LAMA2: variants seen among roughly 807,000 people sequenced by gnomAD.
The protein encoded by LAMA2 is laminin subunit alpha-2.
A neutral mutation model predicts 364.8 loss-of-function variants in LAMA2; 269 were observed. That is an observed-to-expected ratio of 0.74 (90% CI 0.67 to 0.82). The LOEUF is 0.82. Ranked by LOEUF, LAMA2 falls within the 40% of genes least tolerant of loss-of-function variation. The pLI is 0.00. For missense variants in LAMA2, 3,807 were observed against 3,873.2 expected (o/e 0.98, Z 0.45); for synonymous variants, 1,379 against 1,370.6 (o/e 1.01, Z -0.14).
intron 1 of LAMA2, among the ~76,000 whole-genome samples, chr6:128,911,724 G>C (rs1227765196): frequency 1.3e-5 from 2 of 152,070 alleles, no homozygotes; most frequent in Non-Finnish European, 2.9e-5. Flanking sequence ...TGTGACATTT[G>C]ACAAATATAT....
intron 15 of LAMA2, among the ~76,000 whole-genome samples, chr6:129,261,753 T>G (rs569158778): frequency 6.6e-6 from 1 of 152,292 alleles, no homozygotes; most frequent in African/African-American, 2.4e-5. Flanking sequence ...ATACGCATTA[T>G]AGTCATATTC....
Position 129,208,628 on chromosome 6 carries a change from AAAG to A in LAMA2, c.1782+15781_1782+15783del, listed in dbSNP as rs1473974744. Reference sequence around the variant, plus strand: ...GGGAGAAAGAATGGAAGAAAGAAAGAAAGAAGAAAGAAAGAAGGAAGGAAGAGA... The same window carrying A: ...GGGAGAAAGAATGGAAGAAAGAAAGAAAGAAAGAAAGAAGGAAGGAAGAGA... On this transcript the variant is annotated intron_variant, in intron 12 of 64. Coordinates refer to ENST00000421865, the MANE Select transcript of LAMA2 (RefSeq NM_000426.4). Among the ~76,000 whole-genome samples, 6 of 122,408 alleles carry A rather than the reference AAAG, an allele frequency of 4.9e-5. No individual in the cohort carries two copies. In the South Asian group the frequency reaches 7.3e-4, roughly 15 times the overall value. The allele number at this position is 122,408 out of a possible 152,430, so 80.3% of individuals were successfully genotyped here.
chr6:129,513,070 T>G (rs543544501), intron 63 of LAMA2, among the ~76,000 whole-genome samples: 1 of 152,298 alleles, frequency 6.6e-6, no homozygotes, highest in South Asian at 2.1e-4. Flanking sequence ...TTAAGACAAC[T>G]TTGCACTATA....
At chr6:129,306,020 C>T (rs1583457130) in intron 22 of LAMA2, among the ~76,000 whole-genome samples, 1 of 151,966 alleles carries the variant, frequency 6.6e-6, no homozygotes, top group Non-Finnish European at 1.5e-5. Context: ...CAACAGGAAA[C>T]CTCCAGTCCC....
At chr6:129,137,979 G>A (rs901058098) in intron 4 of LAMA2, among the ~76,000 whole-genome samples, 6 of 152,038 alleles carry the variant, frequency 3.9e-5, no homozygotes, top group Admixed American at 6.6e-5. Context: ...GTATTTGTGG[G>A]AGGATGGAAT....
intron 32 of LAMA2, among the ~76,000 whole-genome samples, chr6:129,355,071 A>G (rs1777074797): frequency 6.6e-6 from 1 of 151,600 alleles, no homozygotes; most frequent in African/African-American, 2.4e-5. Context: ...AAGTGTTTAT[A>G]TTCTTTTTAA....
intron 18 of LAMA2, among the ~76,000 whole-genome samples, chr6:129,286,455 T>C (rs918107732): frequency 2.7e-5 from 4 of 146,770 alleles, no homozygotes; most frequent in African/African-American, 1.0e-4. Context: ...AACATAACAT[T>C]TAGGTCAGAG....
intron 12 of LAMA2, among the ~76,000 whole-genome samples, chr6:129,220,269 G>T (rs1414595123): frequency 6.6e-6 from 1 of 152,102 alleles, no homozygotes; most frequent in African/African-American, 2.4e-5. Flanking sequence ...AACATATAGT[G>T]AAATAATATT....
In LAMA2 at chr6:129,514,491, G is replaced by T. The variant is rs371040858; in HGVS notation, c.9107G>T (p.Arg3036Leu). ...GTCACTGCCAACAAGATCAAACACC[G>T]CATTGAGCTCACAGTCGATGGGAAC... Reference protein sequence around the residue: ...HKVTANKIKHRIELTVDGNQV... With the variant: ...HKVTANKIKHLIELTVDGNQV... Residue 3036 changes from arginine to leucine, a missense_variant, in exon 64 of 65, where the codon CGC (arginine) becomes CTC (leucine). This residue lies in a region of LAMA2 where 3,333 missense variants were observed against 3,345.7 expected (regional missense o/e 1.00). Coordinates refer to ENST00000421865, the MANE Select transcript of LAMA2 (RefSeq NM_000426.4). 1.2e-6 allele frequency: 2 copies of T among 1,613,916 alleles called. No individual in the cohort carries two copies. Among genetic ancestry groups the T allele is most frequent in the African/African-American group, 2.7e-5 (2 of 74,898 alleles).
rs531697334 is a variant in LAMA2 at position 129,497,684 on chromosome 6, A to G, written c.8245-4975A>G. Among the ~76,000 whole-genome samples, 137 of 152,240 alleles carry G rather than the reference A, an allele frequency of 9.0e-4. 1 individual carries two copies. The highest frequency in any genetic ancestry group is 1.4e-3 in the East Asian group (7 of 5,174). On this transcript the variant is annotated intron_variant, in intron 58 of 64. Transcript: ENST00000421865. ...CTCAGTGCCCTTCTTTTTCTTCTTT[A>G]CACCCATCACACCCAATCCTGCCAG...
intron 4 of LAMA2, among the ~76,000 whole-genome samples, chr6:129,101,935 A>T (rs1775541509): frequency 6.6e-6 from 1 of 151,218 alleles, no homozygotes. Context: ...TGTATTTTAA[A>T]CTCTCTTCTT....
In LAMA2 at chr6:129,415,946, T is replaced by A. The variant is rs866974734; in HGVS notation, c.5866-11806T>A. Among the ~76,000 whole-genome samples the A allele has an allele frequency of 9.2e-5, 3 of 32,676 alleles. 1 individual carries two copies. The highest frequency in any genetic ancestry group is 1.6e-4 in the Non-Finnish European group (3 of 18,252). 21.4% of individuals were successfully genotyped at this position (32,676 alleles called of 152,430 possible). On this transcript the variant is annotated intron_variant, in intron 40 of 64. Transcript: ENST00000421865. ...TTGCTGAAATTATACACTTTCTTTC[T>A]TTTTTTTTTTTTTTTTTTTTGAGAC... is the stretch of plus-strand genomic sequence containing the variant.
chr6:129,213,725 G>A (rs753320706), intron 12 of LAMA2, among the ~76,000 whole-genome samples: 1 of 151,882 alleles, frequency 6.6e-6, no homozygotes, highest in Non-Finnish European at 1.5e-5. Context: ...TTATTTTCTT[G>A]TTGTTGAGAT....
In LAMA2 at chr6:129,314,688, C is replaced by T. The variant is rs201540948; in HGVS notation, c.3445C>T (p.Arg1149Trp). 9.3e-6 allele frequency: 15 copies of T among 1,613,664 alleles called. No homozygotes were observed. The highest frequency in any genetic ancestry group is 5.3e-5 in the African/African-American group (4 of 75,010). ...NVEGIHCDRC[R>W]PGKFGLDAKN... ...GGAAGGCATCCACTGTGACAGATGC[C>T]GGCCTGGCAAATTCGGACTCGATGC... is the stretch of plus-strand genomic sequence containing the variant. Residue 1149 changes from arginine to tryptophan, a missense_variant, in exon 24 of 65, where the codon CGG becomes TGG. By Grantham distance (101) the Arg-to-Trp change is moderately radical. Around this residue, in one of 3 missense-constraint regions of LAMA2, gnomAD observed 3,333 missense variants for 3,345.7 expected, o/e 1.00. Coordinates refer to ENST00000421865, the MANE Select transcript of LAMA2 (RefSeq NM_000426.4).
intron 15 of LAMA2, among the ~76,000 whole-genome samples, chr6:129,265,642 G>A (rs903306467): frequency 6.6e-6 from 1 of 151,766 alleles, no homozygotes; most frequent in Non-Finnish European, 1.5e-5. Context: ...GACAATTTTG[G>A]GTTGGTTGTG....
At position 129,009,182 on chromosome 6, in the gene LAMA2, A is replaced by G. The variant is rs1348788689; in HGVS notation, c.113-40736A>G. ...GTATACTATTTGACTCTTTAGTCAA[A>G]CTGAGGATCAGTATTTTAAAAGTCT... On this transcript the variant is annotated intron_variant, in intron 1 of 64. Coordinates refer to ENST00000421865, the MANE Select transcript of LAMA2 (RefSeq NM_000426.4). Among the ~76,000 whole-genome samples the G allele has an allele frequency of 3.3e-5, 5 of 152,162 alleles. No individual in the cohort carries two copies. In the East Asian group the frequency reaches 9.6e-4, roughly 29 times the overall value.
chr6:129,200,482 A>G (rs1782212677), intron 12 of LAMA2, among the ~76,000 whole-genome samples: 1 of 151,050 alleles, frequency 6.6e-6, no homozygotes, highest in Non-Finnish European at 1.5e-5. Context: ...ACATGTATAT[A>G]TATGTGTATG....
At chr6:129,227,943 A>C (rs1784424404) in intron 12 of LAMA2, among the ~76,000 whole-genome samples, 1 of 152,194 alleles carries the variant, frequency 6.6e-6, no homozygotes, top group East Asian at 1.9e-4. Flanking sequence ...CTACAGAGGC[A>C]GGCAGGCATC....
At chr6:129,232,743 C>G (rs1385711488) in intron 12 of LAMA2, among the ~76,000 whole-genome samples, 2 of 152,012 alleles carry the variant, frequency 1.3e-5, no homozygotes, top group African/African-American at 2.4e-5. Flanking sequence ...GCAAATGTGA[C>G]TAAGTTTAAG....
Sources: gnomAD v4.1 joint callset for allele counts (sites outside exome capture counted in the v4.1 genomes callset) on GRCh38, gnomAD v4.1.1 for gene constraint, gnomAD v4.1.1 regional missense constraint, MANE v1.5 for transcripts, NCBI Gene and HGNC (gene_info 2026-07-23, HGNC 2026-07-21) for gene names.